Variants in DRC11 observed in about 807,000 individuals in gnomAD.
DRC11 encodes dynein regulatory complex subunit 11.
chr2:236,415,756 A>G, the DRC11 span, among the ~76,000 whole-genome samples: 1 of 152,186 alleles, frequency 6.6e-6, no homozygotes, highest in East Asian at 1.9e-4. This position sits in a 1 kb window ranked among gnomAD's most constrained non-coding sequence, Gnocchi z 5.7. Context: ...AAATACTTTC[A>G]CCCAACAAAG....
chr2:236,417,140 G>A, the DRC11 span, among the ~76,000 whole-genome samples: 1 of 152,126 alleles, frequency 6.6e-6, no homozygotes, highest in Non-Finnish European at 1.5e-5. Flanking sequence ...AAAGTGCTGG[G>A]ATTACAGGCG....
At chr2:236,354,834 G>C in the DRC11 span, among the ~76,000 whole-genome samples, 1 of 152,148 alleles carries the variant, frequency 6.6e-6, no homozygotes, top group African/African-American at 2.4e-5. Context: ...GGTGCTCCCT[G>C]TCGTCACTGG....
At chr2:236,474,030 T>C in the DRC11 span, among the ~76,000 whole-genome samples, 1 of 152,166 alleles carries the variant, frequency 6.6e-6, no homozygotes, top group South Asian at 2.1e-4. Context: ...TCTTAACCAG[T>C]GATATAGTGG....
At chr2:236,501,408 GGAACAACAACAACCATCACTCAAAA>G in the DRC11 span, among the ~76,000 whole-genome samples, 1 of 152,124 alleles carries the variant, frequency 6.6e-6, no homozygotes, top group Non-Finnish European at 1.5e-5. Context: ...ACACTGATCA[GGAACAACAACAACCATCACTCAAAA>G]GAACAACAAC....
the DRC11 span, chr2:236,409,102 A>T: frequency 2.3e-6 from 1 of 435,456 alleles, no homozygotes; most frequent in Admixed American, 4.0e-5. Flanking sequence ...TTGCTGGTAG[A>T]GCCTAATTTT....
chr2:236,464,342 A>G, the DRC11 span, among the ~76,000 whole-genome samples: 1 of 152,182 alleles, frequency 6.6e-6, no homozygotes, highest in Non-Finnish European at 1.5e-5. Flanking sequence ...CTGAAGTGAT[A>G]TGATGCAATA....
the DRC11 span, chr2:236,497,554 G>A: frequency 1.7e-6 from 2 of 1,182,008 alleles, no homozygotes; most frequent in Non-Finnish European, 2.4e-6. This position sits in a 1 kb window ranked among gnomAD's most constrained non-coding sequence, Gnocchi z 5.1. Context: ...ATAAACATCG[G>A]GCCTCTGGTA....
the DRC11 span, among the ~76,000 whole-genome samples, chr2:236,307,665 A>G: frequency 6.6e-6 from 1 of 152,088 alleles, no homozygotes; most frequent in African/African-American, 2.4e-5. The surrounding 1 kb of genome is among the most constrained non-coding windows in gnomAD (Gnocchi z 7.0). Context: ...GGGTGTGAGG[A>G]TGCCAGACTC....
the DRC11 span, among the ~76,000 whole-genome samples, chr2:236,461,851 G>A: frequency 6.6e-6 from 1 of 152,188 alleles, no homozygotes; most frequent in Non-Finnish European, 1.5e-5. This position sits in a 1 kb window ranked among gnomAD's most constrained non-coding sequence, Gnocchi z 4.0. Context: ...CTGCCTGGAG[G>A]AGCAAAGTGG....
At chr2:236,445,949 C>A in the DRC11 span, among the ~76,000 whole-genome samples, 1 of 152,146 alleles carries the variant, frequency 6.6e-6, no homozygotes, top group East Asian at 1.9e-4. This position sits in a 1 kb window ranked among gnomAD's most constrained non-coding sequence, Gnocchi z 4.8. Flanking sequence ...AGAGCTTGGA[C>A]CCCTGCTGTG....
the DRC11 span, among the ~76,000 whole-genome samples, chr2:236,481,625 G>GT: frequency 2.6e-5 from 4 of 151,718 alleles, no homozygotes; most frequent in African/African-American, 4.8e-5. Flanking sequence ...TTAAATGTGT[G>GT]TTTTTTTTCT....
the DRC11 span, among the ~76,000 whole-genome samples, chr2:236,359,315 T>A: frequency 6.6e-6 from 1 of 152,192 alleles, no homozygotes; most frequent in Non-Finnish European, 1.5e-5. This position sits in a 1 kb window ranked among gnomAD's most constrained non-coding sequence, Gnocchi z 4.3. Flanking sequence ...CTCATTATTC[T>A]ATTAGTTACT....
the DRC11 span, among the ~76,000 whole-genome samples, chr2:236,401,625 G>A: frequency 4.1e-4 from 62 of 152,312 alleles, no homozygotes; most frequent in African/African-American, 1.3e-3. This position sits in a 1 kb window ranked among gnomAD's most constrained non-coding sequence, Gnocchi z 4.6. Context: ...GCTACGGAGC[G>A]GAGGAAGCGT....
At chr2:236,359,395 C>T in the DRC11 span, among the ~76,000 whole-genome samples, 19 of 152,222 alleles carry the variant, frequency 1.2e-4, no homozygotes, top group African/African-American at 3.6e-4. This position sits in a 1 kb window ranked among gnomAD's most constrained non-coding sequence, Gnocchi z 4.3. Flanking sequence ...TGAAACAAAT[C>T]GGAGACTCAT....
At chr2:236,320,367 A>T in the DRC11 span, among the ~76,000 whole-genome samples, 76 of 152,308 alleles carry the variant, frequency 5.0e-4, no homozygotes, top group East Asian at 5.2e-3. Context: ...TGGGTCCCAC[A>T]GTATCATTAG....
chr2:236,370,292 C>T, the DRC11 span, among the ~76,000 whole-genome samples: 1 of 152,210 alleles, frequency 6.6e-6, no homozygotes, highest in Non-Finnish European at 1.5e-5. This position sits in a 1 kb window ranked among gnomAD's most constrained non-coding sequence, Gnocchi z 5.5. Context: ...TCCATCCAGC[C>T]ACTTGCTTAA....
At chr2:236,375,380 C>G in the DRC11 span, among the ~76,000 whole-genome samples, 3 of 152,178 alleles carry the variant, frequency 2.0e-5, no homozygotes, top group Non-Finnish European at 4.4e-5. This position sits in a 1 kb window ranked among gnomAD's most constrained non-coding sequence, Gnocchi z 4.2. Flanking sequence ...GCACTAGGAT[C>G]TTTTGTTCAG....
At chr2:236,409,008 G>A in the DRC11 span, 9 of 684,332 alleles carry the variant, frequency 1.3e-5, no homozygotes, top group South Asian at 4.6e-5. Flanking sequence ...CCCACGATGC[G>A]TGCTGTGCAC....
the DRC11 span, among the ~76,000 whole-genome samples, chr2:236,485,488 T>G: frequency 6.6e-6 from 1 of 152,122 alleles, no homozygotes; most frequent in Non-Finnish European, 1.5e-5. Context: ...ACACCTTAGG[T>G]CAATGCTGGA....
Sources: allele counts gnomAD v4.1 joint callset (sites outside exome capture counted in the v4.1 genomes callset), GRCh38; gene constraint gnomAD v4.1.1; non-coding constraint Gnocchi (gnomAD v3.1); transcripts MANE v1.5; gene names NCBI Gene and HGNC (gene_info 2026-07-23, HGNC 2026-07-21).